The following TENM2 variants were observed in gnomAD, a reference collection of about 807,000 sequenced individuals.
The protein encoded by TENM2 is teneurin-2.
A neutral mutation model predicts 245.2 loss-of-function variants in TENM2; 52 were observed. The ratio of observed to expected loss-of-function variants is 0.21; its 90% CI spans 0.17 to 0.27. The LOEUF is 0.27. Among genes scored for constraint, TENM2 ranks in the 10% least tolerant of loss-of-function variants. The pLI, the probability that TENM2 is intolerant of heterozygous loss-of-function variation, is 1.00. For synonymous variants in TENM2, 1,363 were observed against 1,438.9 expected, an observed-to-expected ratio of 0.95 and a Z score of 1.19; for missense variants, 3,046 against 3,666.8, an observed-to-expected ratio of 0.83 and a Z score of 4.37.
chr5:168,176,103 C>T (rs1480262083), intron 13 of TENM2, among the ~76,000 whole-genome samples: 3 of 152,234 alleles, frequency 2.0e-5, no homozygotes, highest in African/African-American at 7.2e-5. Context: ...TAGCTTTCCA[C>T]CTCCACTCAG....
intron 2 of TENM2, among the ~76,000 whole-genome samples, chr5:167,479,004 G>GTGTGTGTT (rs1381368449): frequency 6.6e-6 from 1 of 151,838 alleles, no homozygotes; most frequent in Non-Finnish European, 1.5e-5. Flanking sequence ...GTGTGTGTGT[G>GTGTGTGTT]TATACAGGTA....
intron 2 of TENM2, among the ~76,000 whole-genome samples, chr5:167,660,921 A>G (rs1259685777): frequency 6.6e-6 from 1 of 152,210 alleles, no homozygotes; most frequent in East Asian, 1.9e-4. Flanking sequence ...CATCTTTTTA[A>G]GAGCATATTT....
chr5:168,198,160 A>ACATAC (rs1761616381), intron 15 of TENM2, among the ~76,000 whole-genome samples: 2 of 151,438 alleles, frequency 1.3e-5, no homozygotes, highest in Non-Finnish European at 2.9e-5. Flanking sequence ...TACATAAACA[A>ACATAC]ATGGGTGTAA....
At chr5:167,444,274 T>TGCACAC (rs1561960598) in intron 2 of TENM2, among the ~76,000 whole-genome samples, 1 of 151,950 alleles carries the variant, frequency 6.6e-6, no homozygotes, top group East Asian at 1.9e-4. Context: ...CACATTTGCT[T>TGCACAC]ATGCACACAT....
At chr5:168,013,552 C>T (rs898761194) in intron 5 of TENM2, among the ~76,000 whole-genome samples, 5 of 152,014 alleles carry the variant, frequency 3.3e-5, no homozygotes, top group East Asian at 1.9e-4. Flanking sequence ...TGCAGTGAGC[C>T]GAGATCGTGC....
At chr5:167,925,521 T>C (rs1407939299) in intron 3 of TENM2, among the ~76,000 whole-genome samples, 1 of 152,182 alleles carries the variant, frequency 6.6e-6, no homozygotes, top group East Asian at 1.9e-4. Context: ...GTAAATTAGT[T>C]CAACCATCAT....
intron 2 of TENM2, among the ~76,000 whole-genome samples, chr5:167,835,918 G>A (rs1017739496): frequency 6.6e-6 from 1 of 152,076 alleles, no homozygotes; most frequent in African/African-American, 2.4e-5. Context: ...TAAAACAACA[G>A]TTACCCCTGG....
intron 2 of TENM2, among the ~76,000 whole-genome samples, chr5:167,766,201 C>T (rs1387684127): frequency 6.6e-6 from 1 of 152,088 alleles, no homozygotes; most frequent in Admixed American, 6.6e-5. Context: ...GCAAAGATCA[C>T]CTTGAAAATA....
At chr5:167,504,081 A>G (rs1236226978) in intron 2 of TENM2, among the ~76,000 whole-genome samples, 1 of 152,092 alleles carries the variant, frequency 6.6e-6, no homozygotes, top group Non-Finnish European at 1.5e-5. Flanking sequence ...ACTTCTTTAT[A>G]TAACTTATTT....
At chr5:167,886,840 G>C (rs1012059344) in intron 3 of TENM2, among the ~76,000 whole-genome samples, 1 of 152,134 alleles carries the variant, frequency 6.6e-6, no homozygotes, top group African/African-American at 2.4e-5. Context: ...TATTCAACAA[G>C]TATGTATTGA....
rs549807235 is a variant in TENM2, at chr5:168,112,535, A to T, written c.1814-5757A>T. On this transcript the variant is annotated intron_variant, in intron 9 of 28. Transcript: ENST00000518659. ...CTCCAGCTCCATCCATGTCCCTGCA[A>T]AGGACATGATCCCATTCCTTTTTAT... Among the ~76,000 whole-genome samples the T allele has an allele frequency of 1.7e-3, 233 of 141,064 alleles. 1 individual carries two copies. The highest frequency in any genetic ancestry group is 5.7e-3 in the African/African-American group (213 of 37,556). The allele number at this position is 141,064 out of a possible 152,430, so 92.5% of individuals were successfully genotyped here.
chr5:167,351,853 CA>C (rs71591177), intron 1 of TENM2, among the ~76,000 whole-genome samples: 87,506 of 148,726 alleles, frequency 0.59, 25,547 homozygotes, highest in Admixed American at 0.65. Flanking sequence ...AACAAAAAAA[CA>C]AAAAAAAAAA....
the TENM2 span, among the ~76,000 whole-genome samples, chr5:167,136,011 C>T: frequency 1.7e-3 from 263 of 152,270 alleles, 1 homozygote; most frequent in African/African-American, 6.1e-3. Flanking sequence ...CATATCCCAC[C>T]CCACTTATTA....
At chr5:168,245,229 T>TG (rs1436168022) in intron 26 of TENM2, among the ~76,000 whole-genome samples, 1 of 95,470 alleles carries the variant, frequency 1.0e-5, no homozygotes, top group African/African-American at 4.1e-5. Flanking sequence ...ACCATTGGGG[T>TG]GGGGGGCGGG....
chr5:167,264,119 A>T, the TENM2 span, among the ~76,000 whole-genome samples: 4 of 152,012 alleles, frequency 2.6e-5, no homozygotes, highest in Non-Finnish European at 5.9e-5. Context: ...AAAAAAAAAA[A>T]AAAAATTCCT....
At chr5:167,484,586 C>T (rs1767949676) in intron 2 of TENM2, among the ~76,000 whole-genome samples, 1 of 152,158 alleles carries the variant, frequency 6.6e-6, no homozygotes, top group Non-Finnish European at 1.5e-5. Context: ...TTAAACTACC[C>T]AGTCTGTGGT....
intron 2 of TENM2, among the ~76,000 whole-genome samples, chr5:167,414,335 T>G (rs1381712251): frequency 6.6e-6 from 1 of 152,128 alleles, no homozygotes; most frequent in Non-Finnish European, 1.5e-5. Context: ...GAAACAATAA[T>G]TTTATGGTAA....
chr5:167,230,148 C>A, the TENM2 span, among the ~76,000 whole-genome samples: 3 of 152,234 alleles, frequency 2.0e-5, no homozygotes, highest in East Asian at 1.9e-4. Flanking sequence ...CTTGTAGGAC[C>A]CAGCATGAGT....
At chr5:167,631,882 T>G in intron 2 of TENM2, among the ~76,000 whole-genome samples, 1 of 152,134 alleles carries the variant, frequency 6.6e-6, no homozygotes, top group East Asian at 1.9e-4. Context: ...TATGATTATG[T>G]CTTTGATTAT....
Sources: allele counts gnomAD v4.1 joint callset (sites outside exome capture counted in the v4.1 genomes callset), GRCh38; gene constraint gnomAD v4.1.1; transcripts MANE v1.5; gene names NCBI Gene and HGNC (gene_info 2026-07-23, HGNC 2026-07-21).